The following MYO1D variants were observed in gnomAD, a reference collection of about 807,000 sequenced individuals.
The protein encoded by MYO1D is myosin ID.
In MYO1D, 83 loss-of-function variants were observed where a neutral mutation model predicts 122.0. The ratio of observed to expected loss-of-function variants is 0.68; its 90% CI spans 0.57 to 0.82. The LOEUF (loss-of-function observed/expected upper bound fraction) is 0.82, where lower values mean the gene tolerates loss of function less well. Ranked by LOEUF, MYO1D falls within the 40% of genes least tolerant of loss-of-function variation. MYO1D has a pLI of 0.00. For missense variants in MYO1D, 1,157 were observed against 1,269.5 expected (o/e 0.91, Z 1.35); for synonymous variants, 464 against 446.9 (o/e 1.04, Z -0.48).
At chr17:32,815,912 T>C (rs955593739) in intron 1 of MYO1D, among the ~76,000 whole-genome samples, 4 of 152,360 alleles carry the variant, frequency 2.6e-5, no homozygotes, top group Admixed American at 2.6e-4. Flanking sequence ...TGTTTACTAG[T>C]ATCAATAACT....
In MYO1D at chr17:32,494,849, G is replaced by A; in HGVS notation, c.2931C>T (p.Cys977=). The A allele has an allele frequency of 6.2e-7, 1 of 1,614,046 alleles. No individual in the cohort carries two copies. The part of the protein sequence containing the change: ...PVQCSLHGKK[C]TVSVETRLNQ... The stretch of plus-strand genomic sequence containing the variant: ...TGAGCCGCGTCTCCACGGAGACGGT[G>A]CACTTCTTCCCGTGCAGGCTGCACT... The change falls in exon 22 of 22, where the codon TGC becomes TGT. Residue 977 remains cysteine (C), a synonymous_variant. Transcript: ENST00000318217.
At chr17:32,610,921 C>G (rs139006738) in intron 20 of MYO1D, among the ~76,000 whole-genome samples, 13 of 152,288 alleles carry the variant, frequency 8.5e-5, no homozygotes, top group South Asian at 2.1e-4. Flanking sequence ...GCCCCTGTTG[C>G]TTCCTTATTT....
Position 32,876,828 on chromosome 17 carries a change from C to A in MYO1D, c.45G>T (p.Val15=). The A allele has an allele frequency of 1.3e-6, 2 of 1,525,658 alleles. No homozygotes were observed. The highest frequency in any genetic ancestry group is 5.6e-5 in the East Asian group (2 of 35,876). 94.5% of individuals were successfully genotyped at this position (1,525,658 alleles called of 1,614,324 possible). ...ESLEFGKADF[V]LMDTVSMPEF... is the part of the protein sequence containing the mutation. ...CGGGCATGGAGACGGTGTCCATCAG[C>A]ACGAAGTCTGCCTTGCCGAATTCCA... The change falls in exon 1 of 22, where the codon GTG becomes GTT. Residue 15 remains valine (V), a synonymous_variant. Coordinates refer to ENST00000318217, the MANE Select transcript of MYO1D (RefSeq NM_015194.3).
chr17:32,544,102 T>TG (rs1193184092), intron 21 of MYO1D, among the ~76,000 whole-genome samples: 1 of 116,198 alleles, frequency 8.6e-6, no homozygotes, highest in East Asian at 2.3e-4. Flanking sequence ...CAAATCTTGC[T>TG]TTTTTTTTTT....
At chr17:32,737,029 G>A (rs888203785) in intron 14 of MYO1D, among the ~76,000 whole-genome samples, 4 of 152,188 alleles carry the variant, frequency 2.6e-5, no homozygotes, top group African/African-American at 4.8e-5. Context: ...GATAGAAAGC[G>A]ACCGCACAGA....
At chr17:32,572,128 G>A (rs1294611806) in intron 21 of MYO1D, among the ~76,000 whole-genome samples, 1 of 144,374 alleles carries the variant, frequency 6.9e-6, no homozygotes, top group Non-Finnish European at 1.5e-5. Flanking sequence ...AATAATATAT[G>A]TATCCTTTAT....
At chr17:32,563,902 T>C (rs1003928470) in intron 21 of MYO1D, among the ~76,000 whole-genome samples, 21 of 152,248 alleles carry the variant, frequency 1.4e-4, no homozygotes, top group African/African-American at 5.1e-4. Flanking sequence ...TGATTCAGTA[T>C]GATGCTGATC....
chr17:32,777,524 T>C (rs533702098), intron 3 of MYO1D, among the ~76,000 whole-genome samples: 5 of 152,328 alleles, frequency 3.3e-5, no homozygotes, highest in East Asian at 3.9e-4. Context: ...ATCCCTTAAG[T>C]ATTTGTTAAG....
rs991188382 is a variant in MYO1D, at chr17:32,530,809, AT to A, written c.2865-35895del. 3.7e-3 allele frequency among the ~76,000 whole-genome samples: 551 copies of A among 147,626 alleles called. 4 individuals are homozygous for A. Among genetic ancestry groups the A allele is most frequent in the Middle Eastern group, 0.014 (4 of 284 alleles). ...GAGTGAGACCCTGTTGCTAAAAATA[AT>A]TTTTTTTTTTTAATAAAAGAGTATC... On this transcript the variant is annotated intron_variant, in intron 21 of 21. Coordinates refer to ENST00000318217, the MANE Select transcript of MYO1D (RefSeq NM_015194.3).
chr17:32,613,907 C>T (rs1482367631), intron 20 of MYO1D, among the ~76,000 whole-genome samples: 2 of 150,392 alleles, frequency 1.3e-5, no homozygotes, highest in Non-Finnish European at 2.9e-5. Context: ...TCCTTGGGGT[C>T]AGGCTCGCTG....
At chr17:32,732,892 C>T (rs1217140118) in intron 14 of MYO1D, among the ~76,000 whole-genome samples, 1 of 152,216 alleles carries the variant, frequency 6.6e-6, no homozygotes, top group African/African-American at 2.4e-5. Flanking sequence ...TGGGGCTCTG[C>T]AGTTCCTGGT....
intron 20 of MYO1D, among the ~76,000 whole-genome samples, chr17:32,633,696 C>A (rs970275563): frequency 2.0e-5 from 3 of 151,980 alleles, no homozygotes; most frequent in Non-Finnish European, 4.4e-5. Context: ...CCCCCACCCC[C>A]ATCCCAGAAG....
At chr17:32,587,897 CTGT>C (rs1023673046) in intron 21 of MYO1D, among the ~76,000 whole-genome samples, 10 of 152,246 alleles carry the variant, frequency 6.6e-5, no homozygotes, top group African/African-American at 2.4e-4. Flanking sequence ...ATTCCTTAAA[CTGT>C]TGTTATGAAA....
chr17:32,802,465 G>T (rs1029245313), intron 1 of MYO1D, among the ~76,000 whole-genome samples: 1 of 152,078 alleles, frequency 6.6e-6, no homozygotes, highest in Non-Finnish European at 1.5e-5. Flanking sequence ...AATTAAGTTG[G>T]TCTTAAATTT....
chr17:32,725,037 T>C (rs2089556065), intron 14 of MYO1D, among the ~76,000 whole-genome samples: 1 of 152,142 alleles, frequency 6.6e-6, no homozygotes, highest in Admixed American at 6.5e-5. Context: ...ATCCAGACAC[T>C]GGAGTTATCA....
intron 19 of MYO1D, among the ~76,000 whole-genome samples, chr17:32,648,280 TATA>T (rs2150946583): frequency 6.6e-6 from 1 of 152,274 alleles, no homozygotes; most frequent in African/African-American, 2.4e-5. Flanking sequence ...TCTTCTTCCT[TATA>T]ATGTTCAAAC....
chr17:32,600,893 A>C (rs2087553895), intron 21 of MYO1D, among the ~76,000 whole-genome samples: 1 of 151,108 alleles, frequency 6.6e-6, no homozygotes, highest in Admixed American at 6.6e-5. Context: ...CTTTTGGCCT[A>C]TCTCAGCTTT....
chr17:32,642,561 G>A (rs547027883), intron 19 of MYO1D, among the ~76,000 whole-genome samples: 2 of 152,322 alleles, frequency 1.3e-5, no homozygotes. Flanking sequence ...TCCTATCCAT[G>A]AGCATGGAAT....
chr17:32,837,902 G>A (rs776899717), intron 1 of MYO1D, among the ~76,000 whole-genome samples: 10 of 152,096 alleles, frequency 6.6e-5, no homozygotes, highest in Non-Finnish European at 1.3e-4. Context: ...TTCATTTTGT[G>A]TATGCATTTA....
Sources: gnomAD v4.1 joint callset for allele counts (sites outside exome capture counted in the v4.1 genomes callset) on GRCh38, gnomAD v4.1.1 for gene constraint, MANE v1.5 for transcripts, NCBI Gene and HGNC (gene_info 2026-07-23, HGNC 2026-07-21) for gene names.